The following LDLRAD3 variants were observed in gnomAD, a reference collection of about 807,000 sequenced individuals.
LDLRAD3 encodes the protein low-density lipoprotein receptor class A domain-containing protein 3.
In LDLRAD3, 20 loss-of-function variants were observed where a neutral mutation model predicts 29.4. The ratio of observed to expected loss-of-function variants is 0.68; its 90% CI spans 0.48 to 0.99. The LOEUF (loss-of-function observed/expected upper bound fraction) is 0.99. LDLRAD3 is among the 50% of genes least tolerant of loss of function. The pLI is 0.00. For missense variants in LDLRAD3, 420 were observed against 454.3 expected (o/e 0.92, Z 0.69); for synonymous variants, 157 against 192.7 (o/e 0.81, Z 1.53).
intron 4 of LDLRAD3, among the ~76,000 whole-genome samples, chr11:36,110,851 A>G (rs1853595661): frequency 6.6e-6 from 1 of 152,190 alleles, no homozygotes; most frequent in South Asian, 2.1e-4. Flanking sequence ...GCAAGGAGTG[A>G]CAGTTTTTCC....
chr11:36,012,304 C>A (rs1057384501), intron 1 of LDLRAD3, among the ~76,000 whole-genome samples: 14 of 152,156 alleles, frequency 9.2e-5, no homozygotes, highest in African/African-American at 3.1e-4. Flanking sequence ...GGTGTGACAG[C>A]AAAACTAGCA....
intron 2 of LDLRAD3, among the ~76,000 whole-genome samples, chr11:36,066,461 G>A (rs1852795132): frequency 6.6e-6 from 1 of 152,094 alleles, no homozygotes; most frequent in African/African-American, 2.4e-5. Context: ...AGAAGCAGCG[G>A]TTGGGAATAT....
At chr11:36,118,737 T>A (rs1282235329) in intron 4 of LDLRAD3, among the ~76,000 whole-genome samples, 1 of 152,170 alleles carries the variant, frequency 6.6e-6, no homozygotes, top group Non-Finnish European at 1.5e-5. Flanking sequence ...CACAATTCAA[T>A]GTGTATTCAC....
chr11:35,983,742 T>A (rs141426332), intron 1 of LDLRAD3, among the ~76,000 whole-genome samples: 2,342 of 152,330 alleles, frequency 0.015, 62 homozygotes, highest in African/African-American at 0.053. Context: ...GTGATTCTCC[T>A]GCCTCGGCCT....
intron 4 of LDLRAD3, among the ~76,000 whole-genome samples, chr11:36,204,364 C>T (rs1855174165): frequency 6.6e-6 from 1 of 152,190 alleles, no homozygotes; most frequent in African/African-American, 2.4e-5. Context: ...AGTGGAAAAA[C>T]GAGCCAACCA....
At chr11:36,131,854 G>A (rs1031425163) in intron 4 of LDLRAD3, among the ~76,000 whole-genome samples, 7 of 152,196 alleles carry the variant, frequency 4.6e-5, no homozygotes, top group African/African-American at 1.4e-4. Context: ...GGCCTGGGGT[G>A]GGCTGGGCAA....
chr11:35,981,097 TG>T (rs1357630638), intron 1 of LDLRAD3, among the ~76,000 whole-genome samples: 3 of 150,670 alleles, frequency 2.0e-5, no homozygotes, highest in African/African-American at 7.3e-5. Flanking sequence ...AGTTTCCCTT[TG>T]GGGCCATGGT....
At chr11:36,033,639 A>G (rs1001318042) in intron 1 of LDLRAD3, among the ~76,000 whole-genome samples, 3 of 152,268 alleles carry the variant, frequency 2.0e-5, no homozygotes, top group Non-Finnish European at 4.4e-5. Flanking sequence ...TCTCTGCTAC[A>G]GAGCAGTTCT....
chr11:35,988,148 C>T lies in LDLRAD3; in HGVS notation c.46+44004C>T, dbSNP rs191887856. ...TCACAACTCACTGCAGTCTCAATCT[C>T]GTCGGGTCAAGCCATCCTCCCATCT... On this transcript the variant is annotated intron_variant, in intron 1 of 5. Transcript: ENST00000315571. Among the ~76,000 whole-genome samples, 13 of 152,248 alleles carry T rather than the reference C, an allele frequency of 8.5e-5. No homozygotes were observed. The East Asian group carries it at 1.9e-3, about 23-fold the overall frequency.
intron 1 of LDLRAD3, among the ~76,000 whole-genome samples, chr11:36,023,961 G>C (rs552410072): frequency 6.6e-6 from 1 of 152,340 alleles, no homozygotes; most frequent in Admixed American, 6.5e-5. Flanking sequence ...CATCATGTAT[G>C]AGAAGACACA....
chr11:36,036,092 C>T lies in LDLRAD3; in HGVS notation c.47-11C>T. ...TGCTGTGCCGTCTGACCTGTCCCCT[C>T]TCTCTGACAGAGAGCCAGCTGCTCC... On this transcript the variant is annotated splice_polypyrimidine_tract_variant and intron_variant, in intron 1 of 5. Coordinates refer to ENST00000315571, the MANE Select transcript of LDLRAD3 (RefSeq NM_174902.4). 6.2e-7 allele frequency: 1 copy of T among 1,613,232 alleles called. No homozygotes were observed. The highest frequency in any genetic ancestry group is 8.5e-7 in the Non-Finnish European group (1 of 1,179,466).
At position 36,138,504 on chromosome 11, in the gene LDLRAD3, T is replaced by A. The variant is rs536747848; in HGVS notation, c.454+40043T>A. ...CAGTATTAATTAGAAGTGCCTGATG[T>A]CTTTGCCTTTGACTGGACTCACTCC... On this transcript the variant is annotated intron_variant, in intron 4 of 5. Transcript: ENST00000315571. 5.5e-4 allele frequency among the ~76,000 whole-genome samples: 84 copies of A among 152,336 alleles called. No individual in the cohort carries two copies. In the Middle Eastern group the frequency reaches 0.014, roughly 25 times the overall value.
intron 1 of LDLRAD3, among the ~76,000 whole-genome samples, chr11:36,011,432 T>C (rs1035748672): frequency 2.6e-5 from 4 of 152,162 alleles, no homozygotes; most frequent in African/African-American, 9.7e-5. Flanking sequence ...AAAAATGTCA[T>C]TGTTGAGGAG....
At chr11:36,219,707 A>G (rs1344184608) in intron 4 of LDLRAD3, among the ~76,000 whole-genome samples, 1 of 152,274 alleles carries the variant, frequency 6.6e-6, no homozygotes. Context: ...GACTTCTTCT[A>G]AACAATGATT....
intron 2 of LDLRAD3, among the ~76,000 whole-genome samples, chr11:36,064,140 A>T (rs780730259): frequency 6.6e-6 from 1 of 152,152 alleles, no homozygotes; most frequent in Non-Finnish European, 1.5e-5. Flanking sequence ...TGTTAAAATT[A>T]TTCCTAAGTA....
intron 3 of LDLRAD3, among the ~76,000 whole-genome samples, chr11:36,083,000 C>CAT (rs964381534): frequency 6.6e-6 from 1 of 152,014 alleles, no homozygotes; most frequent in Admixed American, 6.6e-5. Context: ...ATTTTCTGTG[C>CAT]ATATATATAT....
rs558482949 is a variant in LDLRAD3, at chr11:35,960,746, G to C, written c.46+16602G>C. On this transcript the variant is annotated intron_variant, in intron 1 of 5. Transcript: ENST00000315571. ...TTAGTAGCTGGGATTATAGGCTTGT[G>C]TTCCCACATCTGGCTAATTTTTGTA... Among the ~76,000 whole-genome samples, 97 of 152,292 alleles carry C rather than the reference G, an allele frequency of 6.4e-4. 1 individual carries two copies. Among genetic ancestry groups the C allele is most frequent in the African/African-American group, 2.0e-3 (83 of 41,578 alleles).
At chr11:36,145,387 G>C (rs1469766785) in intron 4 of LDLRAD3, among the ~76,000 whole-genome samples, 2 of 102,442 alleles carry the variant, frequency 2.0e-5, no homozygotes, top group East Asian at 8.0e-4. Flanking sequence ...GAGGTGGGGG[G>C]GTCAGCCCCC....
chr11:36,145,207 G>A, intron 4 of LDLRAD3, among the ~76,000 whole-genome samples: 1 of 52,714 alleles, frequency 1.9e-5, no homozygotes, highest in South Asian at 1.0e-3. Flanking sequence ...AGGGAGGTGG[G>A]GGGGTCAGCC....
Sources: allele counts gnomAD v4.1 joint callset (sites outside exome capture counted in the v4.1 genomes callset), GRCh38; gene constraint gnomAD v4.1.1; transcripts MANE v1.5; gene names NCBI Gene and HGNC (gene_info 2026-07-23, HGNC 2026-07-21).